Variants in PDILT observed in about 807,000 individuals in gnomAD.
The protein encoded by PDILT is protein disulfide isomerase like, testis expressed.
A neutral mutation model predicts 53.7 loss-of-function variants in PDILT; 43 were observed. The observed-to-expected ratio is 0.80, with a 90% CI of 0.63 to 1.03. PDILT has a LOEUF of 1.03. PDILT is among the 50% of genes least tolerant of loss of function. PDILT has a pLI of 0.00. For missense variants in PDILT, 727 were observed against 712.3 expected (o/e 1.02, Z -0.24); for synonymous variants, 282 against 274.2 (o/e 1.03, Z -0.28).
Position 20,399,369 on chromosome 16 carries a change from C to G in PDILT, c.-7-62G>C, listed in dbSNP as rs552272265. The G allele has an allele frequency of 1.6e-5, 24 of 1,547,144 alleles. No homozygotes were observed. The East Asian group carries it at 5.0e-4, about 32-fold the overall frequency. Reference sequence around the variant, plus strand: ...CACAGGTGGTGGAGCCCCACGTCATCACCCCCACTTCCTTGTCCAGCTGGT... The same window carrying G: ...CACAGGTGGTGGAGCCCCACGTCATGACCCCCACTTCCTTGTCCAGCTGGT... On this transcript the variant is annotated intron_variant, in intron 1 of 11. Coordinates refer to ENST00000302451, the MANE Select transcript of PDILT (RefSeq NM_174924.2).
chr16:20,389,317 C>G (rs1966578776), intron 2 of PDILT, among the ~76,000 whole-genome samples: 1 of 152,156 alleles, frequency 6.6e-6, no homozygotes, highest in African/African-American at 2.4e-5. Context: ...TCAGTTTCCT[C>G]ATTCATAAAA....
Position 20,377,619 on chromosome 16 carries a change from AGGAGGACTTCCT to A in PDILT, c.410-1430_410-1419del, listed in dbSNP as rs1307287250. 8.5e-5 allele frequency among the ~76,000 whole-genome samples: 13 copies of A among 152,332 alleles called. No homozygotes were observed. The East Asian group carries it at 2.3e-3, about 27-fold the overall frequency. ...ATGCCTGACTTAGACTGTGAAGTCAAGGAGGACTTCCTGGAGGAAATTATGGATGAGCTGTAA... is the reference window on the plus strand; with the variant it reads ...ATGCCTGACTTAGACTGTGAAGTCAAGGAGGAAATTATGGATGAGCTGTAA... On this transcript the variant is annotated intron_variant, in intron 3 of 11. Transcript: ENST00000302451.
chr16:20,384,700 G>C lies in PDILT; in HGVS notation c.354C>G (p.Ala118=). 1.9e-6 allele frequency: 3 copies of C among 1,614,170 alleles called. No individual in the cohort carries two copies. Among genetic ancestry groups the C allele is most frequent in the Non-Finnish European group, 2.5e-6 (3 of 1,180,028 alleles). The change falls in exon 3 of 12, where the codon GCC becomes GCG. Residue 118 remains alanine (A), a synonymous_variant. Coordinates refer to ENST00000302451, the MANE Select transcript of PDILT (RefSeq NM_174924.2). ...ELQQEFGITK[A]PELKLFFEGN... is the part of the protein sequence containing the mutation. ...CCTCAAAAAACAGCTTCAACTCCGGGGCCTTGGTAATCCCAAACTCCTGCT... is the reference window on the plus strand; with the variant it reads ...CCTCAAAAAACAGCTTCAACTCCGGCGCCTTGGTAATCCCAAACTCCTGCT...
rs369365786 is a variant in PDILT, at chr16:20,374,862, C to A, written c.641G>T (p.Arg214Leu). 6.2e-7 allele frequency: 1 copy of A among 1,614,020 alleles called. No homozygotes were observed. Among genetic ancestry groups the A allele is most frequent in the Non-Finnish European group, 8.5e-7 (1 of 1,179,934 alleles). ...GACGCTGTCAAGGGTGACGTGGAAA[C>A]GCCCAATGACATTGCCAATCGTTAT... ...GVITIGNVIG[R>L]FHVTLDSVLV... Residue 214 changes from arginine to leucine, a missense_variant, in exon 5 of 12, where the codon CGT becomes CTT. Transcript: ENST00000302451.
intron 3 of PDILT, among the ~76,000 whole-genome samples, chr16:20,379,206 G>C (rs1185336586): frequency 6.6e-6 from 1 of 151,908 alleles, no homozygotes; most frequent in African/African-American, 2.4e-5. Context: ...ACAGAGTCTT[G>C]CTCTGTTGCC....
intron 8 of PDILT, among the ~76,000 whole-genome samples, chr16:20,369,207 G>A (rs1017560698): frequency 2.0e-5 from 3 of 152,248 alleles, no homozygotes. Flanking sequence ...TCCTTTCAGA[G>A]TGCAAGTTAA....
intron 3 of PDILT, among the ~76,000 whole-genome samples, chr16:20,380,888 C>G (rs1179672667): frequency 6.6e-6 from 1 of 152,170 alleles, no homozygotes; most frequent in South Asian, 2.1e-4. Context: ...CCTGTGGGAC[C>G]GAGGTAGTTA....
At chr16:20,360,687 G>A in intron 10 of PDILT, 30 bp from the exon 11 acceptor site, 2 of 1,506,190 alleles carry the variant, frequency 1.3e-6, no homozygotes, top group Non-Finnish European at 1.8e-6. Flanking sequence ...GGGTCAGGAT[G>A]GGATCCTCTT....
chr16:20,362,671 T>G, intron 9 of PDILT, 89 bp from the exon 10 acceptor site: 1 of 1,301,242 alleles, frequency 7.7e-7, no homozygotes, highest in Non-Finnish European at 1.1e-6. Flanking sequence ...TGTGTTCCAC[T>G]TGTGGTCCTG....
At chr16:20,380,647 T>A (rs1966449777) in intron 3 of PDILT, among the ~76,000 whole-genome samples, 1 of 152,256 alleles carries the variant, frequency 6.6e-6, no homozygotes, top group Non-Finnish European at 1.5e-5. Context: ...AGCTACCCTA[T>A]TTTCTTCATT....
intron 3 of PDILT, among the ~76,000 whole-genome samples, chr16:20,379,660 G>A (rs1372198375): frequency 1.3e-5 from 2 of 152,212 alleles, no homozygotes; most frequent in Non-Finnish European, 2.9e-5. Context: ...GGGGCACACT[G>A]TATGCACTTC....
chr16:20,380,500 C>G (rs1803636801), intron 3 of PDILT, among the ~76,000 whole-genome samples: 2 of 152,024 alleles, frequency 1.3e-5, no homozygotes. Flanking sequence ...CCACACCCAG[C>G]TAATTTTTTG....
chr16:20,368,244 G>T (rs1445622076), intron 8 of PDILT, among the ~76,000 whole-genome samples: 1 of 152,198 alleles, frequency 6.6e-6, no homozygotes, highest in African/African-American at 2.4e-5. Flanking sequence ...TGACAGCAGA[G>T]TTGGGGCTAG....
At chr16:20,362,840 G>A (rs1596576766) in intron 9 of PDILT, among the ~76,000 whole-genome samples, 1 of 152,210 alleles carries the variant, frequency 6.6e-6, no homozygotes, top group East Asian at 1.9e-4. Context: ...TTGGGAGGCT[G>A]AGGCGGGTGG....
At chr16:20,389,368 A>C (rs1158341426) in intron 2 of PDILT, among the ~76,000 whole-genome samples, 2 of 152,174 alleles carry the variant, frequency 1.3e-5, no homozygotes, top group Non-Finnish European at 2.9e-5. Flanking sequence ...GAGTGATCCT[A>C]CAAAATAAGA....
intron 9 of PDILT, among the ~76,000 whole-genome samples, chr16:20,363,784 G>C (rs1039262613): frequency 4.6e-5 from 7 of 152,070 alleles, no homozygotes; most frequent in African/African-American, 1.5e-4. Context: ...AAGTGTGACA[G>C]GTATAATTAC....
chr16:20,372,828 G>T lies in PDILT; in HGVS notation c.892C>A (p.Leu298Met). 6.2e-7 allele frequency: 1 copy of T among 1,614,058 alleles called. No homozygotes were observed. Among genetic ancestry groups the T allele is most frequent in the African/African-American group, 1.3e-5 (1 of 75,036 alleles). ...TTGTTTTGGAATTCCTTTGATGCCA[G>T]CTTATAATGCTGAATTATGATACCA... ...SYGIIIQHYK[L>M]ASKEFQNKIL... Residue 298 changes from leucine (L) to methionine (M), a missense_variant, in exon 7 of 12, where the codon CTG (leucine) becomes ATG (methionine). Physicochemically the swap from Leu to Met is conservative, Grantham distance 15. Transcript: ENST00000302451.
Position 20,374,855 on chromosome 16 carries a change from G to A in PDILT, c.648C>T (p.His216=), listed in dbSNP as rs376970505. Residue 216 remains histidine (H), a synonymous_variant, in exon 5 of 12, where the codon CAC becomes CAT. Transcript: ENST00000302451. ...ITIGNVIGRF[H]VTLDSVLVFK... is the part of the protein sequence containing the mutation. Reference sequence around the variant, plus strand: ...ACACCAGGACGCTGTCAAGGGTGACGTGGAAACGCCCAATGACATTGCCAA... The same window carrying A: ...ACACCAGGACGCTGTCAAGGGTGACATGGAAACGCCCAATGACATTGCCAA... The A allele has an allele frequency of 5.3e-5, 86 of 1,613,842 alleles. No individual in the cohort carries two copies. The African/African-American group carries it at 8.1e-4, about 15-fold the overall frequency.
Position 20,359,208 on chromosome 16 carries a change from C to T in PDILT, c.*111G>A, listed in dbSNP as rs552930013. On this transcript the variant is annotated 3_prime_UTR_variant, in exon 12 of 12. Coordinates refer to ENST00000302451, the MANE Select transcript of PDILT (RefSeq NM_174924.2). ...GAGGCTTTATTATCCACCCCTACCC[C>T]CGCCCCACCTACCCTACCACAATGA... 1 of 1,506,178 alleles carries T rather than the reference C, an allele frequency of 6.6e-7. No individual in the cohort carries two copies. The highest frequency in any genetic ancestry group is 2.1e-5 in the Admixed American group (1 of 47,988). The allele number at this position is 1,506,178 out of a possible 1,614,324, so 93.3% of individuals were successfully genotyped here. A position where few individuals can be genotyped will look rare whatever the true frequency, so the allele number is the denominator to read the frequency against.
Sources: allele counts gnomAD v4.1 joint callset (sites outside exome capture counted in the v4.1 genomes callset), GRCh38; gene constraint gnomAD v4.1.1; transcripts MANE v1.5; gene names NCBI Gene and HGNC (gene_info 2026-07-23, HGNC 2026-07-21).